Variants in NXPH1 observed in about 807,000 individuals in gnomAD.
The protein encoded by NXPH1 is neurexophilin-1.
Under a neutral mutation model 23.7 loss-of-function variants are expected in NXPH1, and 5 were observed. That is an observed-to-expected ratio of 0.21 (90% confidence interval 0.11 to 0.44). NXPH1 has a LOEUF of 0.44. Ranked by LOEUF, NXPH1 falls within the 20% of genes least tolerant of loss-of-function variation. NXPH1 has a pLI of 0.99. For missense variants in NXPH1, 324 were observed against 321.6 expected (o/e 1.01, Z -0.06); for synonymous variants, 144 against 122.2 (o/e 1.18, Z -1.18).
intron 2 of NXPH1, among the ~76,000 whole-genome samples, chr7:8,641,805 T>C (rs1308098604): frequency 1.3e-5 from 2 of 152,360 alleles, no homozygotes; most frequent in East Asian, 3.9e-4. Flanking sequence ...TTCATTCTTA[T>C]ACAACCTTTT....
chr7:8,486,799 C>T (rs181008259), intron 2 of NXPH1, among the ~76,000 whole-genome samples: 98 of 152,220 alleles, frequency 6.4e-4, no homozygotes, highest in Non-Finnish European at 1.1e-3. Flanking sequence ...GGATAGGTCT[C>T]TTCTCATTAT....
chr7:8,536,858 T>TA (rs761653433), intron 2 of NXPH1, among the ~76,000 whole-genome samples: 5 of 151,828 alleles, frequency 3.3e-5, no homozygotes, highest in Non-Finnish European at 7.4e-5. Flanking sequence ...GAGAAGGAAA[T>TA]AAAGATGTCT....
chr7:8,582,473 T>C lies in NXPH1; in HGVS notation c.54+146706T>C, dbSNP rs77116330. On this transcript the variant is annotated intron_variant, in intron 2 of 2. Coordinates refer to ENST00000405863, the MANE Select transcript of NXPH1 (RefSeq NM_152745.3). ...TAGCTCGCAGGAGACTTGGAGCATG[T>C]AGCTCCTTTCTTCAAGCAGGTTGTC... Among the ~76,000 whole-genome samples the C allele has an allele frequency of 3.3e-3, 499 of 152,236 alleles. 20 individuals are homozygous for C. In the East Asian group the frequency reaches 0.08, roughly 24 times the overall value.
At chr7:8,660,758 A>C (rs759175950) in intron 2 of NXPH1, among the ~76,000 whole-genome samples, 1 of 152,216 alleles carries the variant, frequency 6.6e-6, no homozygotes, top group African/African-American at 2.4e-5. Context: ...CAATCTTTCC[A>C]ATAATAGATA....
intron 2 of NXPH1, among the ~76,000 whole-genome samples, chr7:8,668,833 C>T (rs376270537): frequency 3.8e-4 from 57 of 151,394 alleles, no homozygotes; most frequent in African/African-American, 1.4e-3. Context: ...TGCAGGGGTT[C>T]ATGAGGGCTA....
chr7:8,531,233 GCCC>G (rs1226463149), intron 2 of NXPH1, among the ~76,000 whole-genome samples: 11 of 152,056 alleles, frequency 7.2e-5, no homozygotes, highest in Non-Finnish European at 4.4e-5. Context: ...TATTTTTCCA[GCCC>G]TGGCACACTA....
intron 2 of NXPH1, among the ~76,000 whole-genome samples, chr7:8,440,192 GAC>G (rs1044187128): frequency 2.0e-5 from 3 of 152,158 alleles, no homozygotes; most frequent in African/African-American, 7.2e-5. Flanking sequence ...AGCTCTGGGG[GAC>G]ACAGAAGTTG....
chr7:8,615,849 G>A (rs1819723053), intron 2 of NXPH1, among the ~76,000 whole-genome samples: 1 of 151,992 alleles, frequency 6.6e-6, no homozygotes, highest in South Asian at 2.1e-4. Context: ...CAGCTGCATG[G>A]GTTATAAGAG....
chr7:8,666,347 T>C (rs1820766115), intron 2 of NXPH1, among the ~76,000 whole-genome samples: 1 of 152,132 alleles, frequency 6.6e-6, no homozygotes, highest in African/African-American at 2.4e-5. Flanking sequence ...ATCACAATTA[T>C]AGACTTGTGT....
At chr7:8,534,266 G>A (rs2128617681) in intron 2 of NXPH1, among the ~76,000 whole-genome samples, 2 of 152,156 alleles carry the variant, frequency 1.3e-5, no homozygotes, top group Middle Eastern at 3.4e-3. Context: ...AAGGAAATGT[G>A]ATGAAAAAGT....
chr7:8,675,907 C>A (rs1470778925), intron 2 of NXPH1, among the ~76,000 whole-genome samples: 2 of 152,110 alleles, frequency 1.3e-5, no homozygotes, highest in Non-Finnish European at 2.9e-5. Context: ...TTCCATCTAG[C>A]CTTCTCTTTT....
At chr7:8,617,454 C>T (rs74802210) in intron 2 of NXPH1, among the ~76,000 whole-genome samples, 1 of 151,974 alleles carries the variant, frequency 6.6e-6, no homozygotes, top group African/African-American at 2.4e-5. Flanking sequence ...TATATATATA[C>T]AATGGAGTAC....
intron 2 of NXPH1, among the ~76,000 whole-genome samples, chr7:8,453,075 T>C (rs1816534255): frequency 6.6e-6 from 1 of 152,082 alleles, no homozygotes. Context: ...GTTTGGAAAC[T>C]AAAATGGTCT....
intron 2 of NXPH1, among the ~76,000 whole-genome samples, chr7:8,611,842 T>G (rs372856876): frequency 2.0e-5 from 3 of 152,222 alleles, no homozygotes; most frequent in South Asian, 2.1e-4. Context: ...GTGTTCTTGG[T>G]ACTACTAAGT....
chr7:8,450,649 C>T lies in NXPH1; in HGVS notation c.54+14882C>T, dbSNP rs115511744. Among the ~76,000 whole-genome samples, 1,256 of 152,314 alleles carry T rather than the reference C, an allele frequency of 8.2e-3. 20 individuals are homozygous for T. The highest frequency in any genetic ancestry group is 0.029 in the African/African-American group (1,191 of 41,580). On this transcript the variant is annotated intron_variant, in intron 2 of 2. Coordinates refer to ENST00000405863, the MANE Select transcript of NXPH1 (RefSeq NM_152745.3). ...ATTTCAGTCTTGTACTACTTTTGAC[C>T]TTGGGAGAGCTTAGTTATGCCTTGG...
intron 2 of NXPH1, among the ~76,000 whole-genome samples, chr7:8,734,625 TTTAGAA>T (rs1476798420): frequency 5.3e-5 from 8 of 152,298 alleles, no homozygotes; most frequent in African/African-American, 1.9e-4. Context: ...TGTGGTCAAT[TTTAGAA>T]TAAGTGTGAT....
intron 2 of NXPH1, among the ~76,000 whole-genome samples, chr7:8,728,103 G>A (rs1281325185): frequency 6.6e-6 from 1 of 151,254 alleles, no homozygotes; most frequent in Non-Finnish European, 1.5e-5. Flanking sequence ...TGAAGCAATT[G>A]TGAATGGGAG....
At chr7:8,571,375 T>C (rs1356227363) in intron 2 of NXPH1, among the ~76,000 whole-genome samples, 1 of 151,722 alleles carries the variant, frequency 6.6e-6, no homozygotes, top group African/African-American at 2.4e-5. Context: ...TGATTACTTA[T>C]TAGGGTTTCT....
At chr7:8,708,485 C>A (rs184883407) in intron 2 of NXPH1, among the ~76,000 whole-genome samples, 2 of 151,980 alleles carry the variant, frequency 1.3e-5, no homozygotes, top group Non-Finnish European at 2.9e-5. Context: ...CTTAGCCTCC[C>A]GTGTAGCTGG....
Sources: gnomAD v4.1 joint callset for allele counts (sites outside exome capture counted in the v4.1 genomes callset) on GRCh38, gnomAD v4.1.1 for gene constraint, MANE v1.5 for transcripts, NCBI Gene and HGNC (gene_info 2026-07-23, HGNC 2026-07-21) for gene names.